Variants in CRYAB observed in about 807,000 individuals in gnomAD.
CRYAB encodes the protein crystallin alpha B.
In CRYAB, 9 loss-of-function variants were observed where a neutral mutation model predicts 12.7. The observed-to-expected ratio is 0.71, with a 90% confidence interval of 0.43 to 1.24. CRYAB has a LOEUF of 1.24. Among genes scored for constraint, CRYAB ranks in the 50% most tolerant of loss-of-function variants. The pLI, the probability that CRYAB is intolerant of heterozygous loss-of-function variation, is 0.00. For synonymous variants in CRYAB, 93 were observed against 86.8 expected, an observed-to-expected ratio of 1.07 and a Z score of -0.40; for missense variants, 183 against 226.6, an observed-to-expected ratio of 0.81 and a Z score of 1.24.
upstream of CRYAB, chr11:111,912,948 G>GA: frequency 7.4e-7 from 1 of 1,352,846 alleles, no homozygotes; most frequent in Non-Finnish European, 9.6e-7. Context: ...CCACCCCCTT[G>GA]CCCCCCACCC....
chr11:111,915,388 T>C (rs1397138664), upstream of CRYAB, among the ~76,000 whole-genome samples: 1 of 152,236 alleles, frequency 6.6e-6, no homozygotes, highest in African/African-American at 2.4e-5. Flanking sequence ...TGTTCATTCA[T>C]TCATTCAGTA....
At chr11:111,915,472 T>C (rs1366509175), upstream of CRYAB, among the ~76,000 whole-genome samples, 2 of 152,236 alleles carry the variant, frequency 1.3e-5, no homozygotes, top group Non-Finnish European at 2.9e-5. Flanking sequence ...AACTATTAGC[T>C]TTTATTGTCA....
At chr11:111,913,156 G>A, upstream of CRYAB, 2 of 605,654 alleles carry the variant, frequency 3.3e-6, no homozygotes, top group South Asian at 3.9e-5. Flanking sequence ...TTGCCGGCCT[G>A]GGTGTGCCTC....
In CRYAB at chr11:111,911,571, G is replaced by A; in HGVS notation, c.154C>T (p.Pro52Ser). The change falls in exon 1 of 3, where the codon CCC (proline) becomes TCC (serine). Residue 52 changes from proline to serine, a missense_variant. Pro to Ser is a moderately conservative substitution (Grantham distance 74). Coordinates refer to ENST00000650687, the MANE Select transcript of CRYAB (RefSeq NM_001289808.2). ...CAGCTGGGTGCCCGCAGGAAGGAGG[G>A]TGGCCGAAGGTAGAAGGGACTCAGG... The part of the protein sequence containing the change: ...TSLSPFYLRP[P>S]SFLRAPSWFD... 6.2e-7 allele frequency: 1 copy of A among 1,613,282 alleles called. No homozygotes were observed. The highest frequency in any genetic ancestry group is 1.1e-5 in the South Asian group (1 of 90,730).
upstream of CRYAB, chr11:111,911,870 G>A: frequency 7.8e-6 from 5 of 641,204 alleles, no homozygotes; most frequent in South Asian, 5.7e-5. Flanking sequence ...GCAGTTCATG[G>A]AGACTTGTGA....
chr11:111,921,885 T>C (rs1277755399), intron 1 of CRYAB, among the ~76,000 whole-genome samples: 2 of 152,070 alleles, frequency 1.3e-5, no homozygotes, highest in African/African-American at 2.4e-5. Context: ...CAGTATGGAG[T>C]GCAGTGGCAC....
At chr11:111,914,204 T>C (rs587734477), upstream of CRYAB, 100 of 298,732 alleles carry the variant, frequency 3.3e-4, 1 homozygote, top group African/African-American at 1.6e-3. Context: ...CCCAACGTCA[T>C]AGGACCCTGA....
intron 2 of CRYAB, chr11:111,909,373 C>G: frequency 3.2e-6 from 1 of 308,978 alleles, no homozygotes; most frequent in South Asian, 2.5e-5. Flanking sequence ...AGGACTGCTG[C>G]TGAAATTAAA....
chr11:111,909,286 T>C, intron 2 of CRYAB: 1 of 472,246 alleles, frequency 2.1e-6, no homozygotes, highest in Non-Finnish European at 4.2e-6. Flanking sequence ...TGGAATCTCA[T>C]TTAGAATCTG....
intron 1 of CRYAB, among the ~76,000 whole-genome samples, chr11:111,922,444 T>C (rs1260842614): frequency 6.6e-6 from 1 of 152,312 alleles, no homozygotes; most frequent in Non-Finnish European, 1.5e-5. Context: ...TAATCATTCA[T>C]TGCAGAAAAT....
In CRYAB at chr11:111,908,859, C is replaced by T. The variant is rs781852612; in HGVS notation, c.433G>A (p.Val145Met). The change falls in exon 3 of 3, where the codon GTG (valine) becomes ATG (methionine). Residue 145 changes from valine (V) to methionine (M), a missense_variant. Val to Met is a conservative substitution (Grantham distance 21, BLOSUM62 1). Coordinates refer to ENST00000650687, the MANE Select transcript of CRYAB (RefSeq NM_001289808.2). ...GAGACCTGTTTCCTTGGTCCATTCA[C>T]AGTGAGGACCCCATCAGATGACAGG... Reference protein sequence around the residue: ...SSLSSDGVLTVNGPRKQVSGP... With the variant: ...SSLSSDGVLTMNGPRKQVSGP... 5.0e-6 allele frequency: 8 copies of T among 1,614,066 alleles called. No individual in the cohort carries two copies. Among genetic ancestry groups the T allele is most frequent in the Non-Finnish European group, 5.9e-6 (7 of 1,180,010 alleles).
At chr11:111,914,318 T>C (rs1965563894), upstream of CRYAB, among the ~76,000 whole-genome samples, 1 of 152,110 alleles carries the variant, frequency 6.6e-6, no homozygotes, top group Admixed American at 6.6e-5. Context: ...AGAGTGATCC[T>C]GGGAGGGAAA....
At chr11:111,919,127 G>T in intron 1 of CRYAB, 1 of 1,077,418 alleles carries the variant, frequency 9.3e-7, no homozygotes, top group South Asian at 1.4e-5. Context: ...CCTCTGCCTG[G>T]TACCTCCTTG....
upstream of CRYAB, chr11:111,911,890 T>C: frequency 1.6e-6 from 1 of 622,814 alleles, no homozygotes; most frequent in Non-Finnish European, 2.9e-6. Context: ...ATCCGGGATT[T>C]GGCAATGTGA....
chr11:111,909,362 T>C lies in CRYAB; in HGVS notation c.325-395A>G, dbSNP rs536215886. The C allele has an allele frequency of 3.9e-5, 14 of 361,196 alleles. No individual in the cohort carries two copies. In the East Asian group the frequency reaches 6.2e-4, roughly 16 times the overall value. The allele number at this position is 361,196 out of a possible 1,614,324, so 22.4% of individuals were successfully genotyped here. On this transcript the variant is annotated intron_variant, in intron 2 of 2. Coordinates refer to ENST00000650687, the MANE Select transcript of CRYAB (RefSeq NM_001289808.2). The stretch of plus-strand genomic sequence containing the variant: ...AATGTCCCAGAAGGTTCCAGAACAA[T>C]AGGACTGCTGCTGAAATTAAAAAAA...
chr11:111,917,094 G>A (rs1170938730), upstream of CRYAB, among the ~76,000 whole-genome samples: 1 of 152,102 alleles, frequency 6.6e-6, no homozygotes, highest in East Asian at 1.9e-4. Context: ...GAACTCCTGG[G>A]CTCAAGCGAT....
intron 1 of CRYAB, chr11:111,919,034 A>T (rs782681190): frequency 6.2e-7 from 1 of 1,613,858 alleles, no homozygotes; most frequent in South Asian, 1.1e-5. Context: ...AAAGGGGAAC[A>T]TCTATCTCTG....
In CRYAB at chr11:111,908,644, A is replaced by G. The variant is rs1965345923; in HGVS notation, c.*120T>C. ...GTTATCTGTTGCTGAATGATATTTT[A>G]TTAGCTTGATAATTTGGGCCTGCCC... On this transcript the variant is annotated 3_prime_UTR_variant, in exon 3 of 3. Coordinates refer to ENST00000650687, the MANE Select transcript of CRYAB (RefSeq NM_001289808.2). The G allele has an allele frequency of 1.1e-6, 1 of 875,244 alleles. No individual in the cohort carries two copies. The highest frequency in any genetic ancestry group is 1.9e-6 in the Non-Finnish European group (1 of 533,798). The allele number at this position is 875,244 out of a possible 1,614,324, so 54.2% of individuals were successfully genotyped here. A position where few individuals can be genotyped will look rare whatever the true frequency, so the allele number is the denominator to read the frequency against.
chr11:111,918,147 T>A (rs1313088715), upstream of CRYAB: 1 of 152,350 alleles, frequency 6.6e-6, no homozygotes, highest in East Asian at 1.9e-4. Context: ...TTTCACAGAT[T>A]CTCGTAGAGC....
Sources: gnomAD v4.1 joint callset for allele counts (sites outside exome capture counted in the v4.1 genomes callset) on GRCh38, gnomAD v4.1.1 for gene constraint, MANE v1.5 for transcripts, NCBI Gene and HGNC (gene_info 2026-07-23, HGNC 2026-07-21) for gene names.